The following AGBL1 variants were observed in gnomAD, a reference collection of about 807,000 sequenced individuals.
The protein encoded by AGBL1 is cytosolic carboxypeptidase 4.
A neutral mutation model predicts 118.9 loss-of-function variants in AGBL1; 130 were observed. The observed-to-expected ratio is 1.09, with a 90% CI of 0.95 to 1.26. AGBL1 has a LOEUF of 1.26. Among genes scored for constraint, AGBL1 ranks in the 50% most tolerant of loss-of-function variants. The probability of loss-of-function intolerance (pLI) is 0.00; values close to 1 mark genes in which losing one functional copy is unlikely to be tolerated. For missense variants in AGBL1, 1,584 were observed against 1,298.1 expected (o/e 1.22, Z -3.38); for synonymous variants, 555 against 478.9 (o/e 1.16, Z -2.08).
chr15:86,293,792 A>C (rs549879181), intron 16 of AGBL1, among the ~76,000 whole-genome samples: 137 of 152,268 alleles, frequency 9.0e-4, no homozygotes, highest in African/African-American at 3.2e-3. Flanking sequence ...TATTCATTTT[A>C]TTAAAAAATT....
At chr15:86,729,980 A>T (rs1303687241) in intron 22 of AGBL1, among the ~76,000 whole-genome samples, 7 of 152,148 alleles carry the variant, frequency 4.6e-5, no homozygotes, top group African/African-American at 1.7e-4. Flanking sequence ...CTAGTGTGAG[A>T]TGGTACCTCA....
At chr15:86,954,504 A>G (rs1047595062) in intron 23 of AGBL1, among the ~76,000 whole-genome samples, 4 of 152,206 alleles carry the variant, frequency 2.6e-5, no homozygotes, top group Admixed American at 1.3e-4. Flanking sequence ...TTGCAGCAGC[A>G]TAGATGCAAC....
chr15:86,819,309 A>T (rs1249729838), intron 22 of AGBL1, among the ~76,000 whole-genome samples: 2 of 152,064 alleles, frequency 1.3e-5, no homozygotes, highest in African/African-American at 4.8e-5. Context: ...TAAGGAGAAA[A>T]AGGGACAGTG....
At chr15:86,537,212 A>G (rs1017774643) in intron 19 of AGBL1, among the ~76,000 whole-genome samples, 21 of 152,240 alleles carry the variant, frequency 1.4e-4, no homozygotes, top group African/African-American at 5.1e-4. Context: ...CAGACAATAT[A>G]GAAGCCTTGT....
At chr15:86,286,414 T>A (rs866443422) in intron 16 of AGBL1, among the ~76,000 whole-genome samples, 6 of 107,318 alleles carry the variant, frequency 5.6e-5, no homozygotes, top group African/African-American at 1.8e-4. Context: ...GTTATTCCTC[T>A]TGTCTAATTG....
chr15:86,124,783 G>A (rs963502971), intron 1 of AGBL1, among the ~76,000 whole-genome samples: 1 of 152,090 alleles, frequency 6.6e-6, no homozygotes, highest in African/African-American at 2.4e-5. Flanking sequence ...ATTCACCATA[G>A]AGTCTGACAA....
chr15:86,185,024 T>G (rs1452067697), intron 5 of AGBL1, among the ~76,000 whole-genome samples: 3 of 152,174 alleles, frequency 2.0e-5, no homozygotes, highest in African/African-American at 7.2e-5. Context: ...CTGAAAGGGC[T>G]AATATCCACC....
In AGBL1 at chr15:86,909,634, A is replaced by T. The variant is rs1179908117; in HGVS notation, c.*2340A>T. The stretch of plus-strand genomic sequence containing the variant: ...TATTAGCAAAGATAATGAAAGTGAA[A>T]CCCAAACGCTATATAGCTCTTAACT... On this transcript the variant is annotated 3_prime_UTR_variant, in exon 23 of 23. Transcript: ENST00000614907. The T allele has an allele frequency of 6.6e-6, 1 of 152,170 alleles. No individual in the cohort carries two copies. The highest frequency in any genetic ancestry group is 1.9e-4 in the East Asian group (1 of 5,194). 9.4% of individuals were successfully genotyped at this position (152,170 alleles called of 1,614,324 possible).
chr15:86,529,506 A>G (rs1241214419), intron 19 of AGBL1, among the ~76,000 whole-genome samples: 1 of 134,854 alleles, frequency 7.4e-6, no homozygotes, highest in East Asian at 2.1e-4. Context: ...AGTGATGCGG[A>G]GAATGGAACC....
At chr15:86,214,410 A>G (rs2078151396) in intron 5 of AGBL1, among the ~76,000 whole-genome samples, 1 of 152,252 alleles carries the variant, frequency 6.6e-6, no homozygotes, top group Admixed American at 6.5e-5. Context: ...TTGCATATAT[A>G]TGCTTAATTA....
chr15:86,405,624 G>T (rs79544320), intron 18 of AGBL1, among the ~76,000 whole-genome samples: 4,587 of 152,284 alleles, frequency 0.03, 113 homozygotes, highest in African/African-American at 0.065. Flanking sequence ...AGTGGAAATA[G>T]TACAATGGCT....
intron 18 of AGBL1, among the ~76,000 whole-genome samples, chr15:86,421,970 A>G (rs920774469): frequency 2.0e-5 from 3 of 152,196 alleles, no homozygotes; most frequent in Non-Finnish European, 4.4e-5. Context: ...AGAGACCTAC[A>G]AAGAGACTTA....
chr15:86,328,597 A>G (rs2080222858), intron 17 of AGBL1, among the ~76,000 whole-genome samples: 1 of 152,258 alleles, frequency 6.6e-6, no homozygotes, highest in Middle Eastern at 3.4e-3. Context: ...CATGAAGGAC[A>G]CCCCAAATCC....
chr15:86,534,188 A>G (rs2083390869), intron 19 of AGBL1, among the ~76,000 whole-genome samples: 1 of 151,542 alleles, frequency 6.6e-6, no homozygotes, highest in African/African-American at 2.4e-5. Context: ...AAGTAGAGTC[A>G]GGTCTACAAG....
intron 23 of AGBL1, among the ~76,000 whole-genome samples, chr15:86,929,996 G>A (rs1384436034): frequency 3.3e-5 from 5 of 152,176 alleles, no homozygotes; most frequent in Non-Finnish European, 7.4e-5. Flanking sequence ...ATAGGTAGGT[G>A]TGTGTAAATT....
Position 86,264,846 on chromosome 15 carries a change from C to T in AGBL1, c.1667+8C>T, listed in dbSNP as rs759097792. On this transcript the variant is annotated splice_region_variant and intron_variant, in intron 11 of 22. Transcript: ENST00000614907. The stretch of plus-strand genomic sequence containing the variant: ...AAAATGTGGAGTCCAAAGGTGATGG[C>T]GCTACTGACTTGGGAGCTCTTTTTT... The T allele has an allele frequency of 3.1e-5, 48 of 1,570,752 alleles. No individual in the cohort carries two copies. The highest frequency in any genetic ancestry group is 1.8e-4 in the East Asian group (8 of 44,550).
intron 1 of AGBL1, among the ~76,000 whole-genome samples, chr15:86,111,170 G>C (rs1029788332): frequency 6.6e-6 from 1 of 152,218 alleles, no homozygotes; most frequent in African/African-American, 2.4e-5. Flanking sequence ...GTCCCTAGAA[G>C]TCAGACTGTA....
rs181968019 is a variant in AGBL1 at position 86,886,336 on chromosome 15, C to T, written c.3159-20751C>T. Among the ~76,000 whole-genome samples the T allele has an allele frequency of 2.5e-3, 374 of 152,314 alleles. 6 individuals are homozygous for T. The highest frequency in any genetic ancestry group is 4.4e-4 in the Non-Finnish European group (30 of 68,018). Reference sequence around the variant, plus strand: ...TGGGAAGAAATGGCCCACGTTAGCACTATCACTTTTGCAGTTTAACAGTTT... The same window carrying T: ...TGGGAAGAAATGGCCCACGTTAGCATTATCACTTTTGCAGTTTAACAGTTT... On this transcript the variant is annotated intron_variant, in intron 22 of 22. Coordinates refer to ENST00000614907, the MANE Select transcript of AGBL1 (RefSeq NM_001386094.1).
chr15:86,763,157 A>T (rs2078049889), intron 22 of AGBL1, among the ~76,000 whole-genome samples: 1 of 152,056 alleles, frequency 6.6e-6, no homozygotes, highest in Non-Finnish European at 1.5e-5. Context: ...GACCACAAGG[A>T]TGACAACAAC....
Sources: gnomAD v4.1 joint callset for allele counts (sites outside exome capture counted in the v4.1 genomes callset) on GRCh38, gnomAD v4.1.1 for gene constraint, MANE v1.5 for transcripts, NCBI Gene and HGNC (gene_info 2026-07-23, HGNC 2026-07-21) for gene names.